BICC1: variants seen among roughly 807,000 people sequenced by gnomAD.
The protein encoded by BICC1 is protein bicaudal C homolog 1.
Under a neutral mutation model 111.0 loss-of-function variants are expected in BICC1, and 43 were observed. The ratio of observed to expected loss-of-function variants is 0.39; its 90% CI spans 0.30 to 0.50. The LOEUF (loss-of-function observed/expected upper bound fraction) is 0.50, where lower values mean the gene tolerates loss of function less well. BICC1 is among the 20% of genes least tolerant of loss of function. The pLI, the probability that BICC1 is intolerant of heterozygous loss-of-function variation, is 0.88. For missense variants in BICC1, 1,091 were observed against 1,203.2 expected (o/e 0.91, Z 1.38); for synonymous variants, 467 against 434.4 (o/e 1.07, Z -0.93).
chr10:58,808,717 A>AT (rs34786742), intron 17 of BICC1, among the ~76,000 whole-genome samples: 5,409 of 144,888 alleles, frequency 0.037, 269 homozygotes, highest in African/African-American at 0.12. Context: ...TTTAAAAAAA[A>AT]TTTTTTTTTT....
At chr10:58,828,720 C>A (rs1400061324) in intron 20 of BICC1, 41 bp from the exon 21 acceptor site, 1 of 1,602,242 alleles carries the variant, frequency 6.2e-7, no homozygotes, top group Admixed American at 1.7e-5. Context: ...ATACATAGAA[C>A]TTCTCTTGAG....
At chr10:58,708,323 T>G in intron 3 of BICC1, among the ~76,000 whole-genome samples, 1 of 152,146 alleles carries the variant, frequency 6.6e-6, no homozygotes, top group East Asian at 1.9e-4. Flanking sequence ...TTTACATATT[T>G]ATAGAGTACA....
chr10:58,730,371 G>T (rs778025093), intron 3 of BICC1, among the ~76,000 whole-genome samples: 3 of 152,162 alleles, frequency 2.0e-5, no homozygotes, highest in Non-Finnish European at 4.4e-5. Flanking sequence ...GCCTTGTGGG[G>T]TTTAGCCCCT....
chr10:58,533,481 T>A (rs1842734194), intron 1 of BICC1, among the ~76,000 whole-genome samples: 1 of 151,864 alleles, frequency 6.6e-6, no homozygotes, highest in Non-Finnish European at 1.5e-5. Flanking sequence ...TTCATATTTT[T>A]AATTTTTATC....
rs189052946 is a variant in BICC1 at position 58,718,020 on chromosome 10, C to A, written c.307+15877C>A. 6.6e-5 allele frequency among the ~76,000 whole-genome samples: 10 copies of A among 152,326 alleles called. No individual in the cohort carries two copies. In the East Asian group the frequency reaches 1.9e-3, roughly 29 times the overall value. Reference sequence around the variant, plus strand: ...ATAGAAAAGTTGAGCATTGTTTAATCTGTTTGTGGAACACTTATTTATATC... The same window carrying A: ...ATAGAAAAGTTGAGCATTGTTTAATATGTTTGTGGAACACTTATTTATATC... On this transcript the variant is annotated intron_variant, in intron 3 of 20. Coordinates refer to ENST00000373886, the MANE Select transcript of BICC1 (RefSeq NM_001080512.3).
At position 58,821,501 on chromosome 10, in the gene BICC1, A is replaced by G. The variant is rs1354049867; in HGVS notation, c.2794+1033A>G. On this transcript the variant is annotated intron_variant, in intron 20 of 20. Coordinates refer to ENST00000373886, the MANE Select transcript of BICC1 (RefSeq NM_001080512.3). ...TAGCGGCATGTTGAATGCCCCACCC[A>G]TCTTCCCATAGGAAATCTTTATCTG... 2.0e-5 allele frequency among the ~76,000 whole-genome samples: 3 copies of G among 152,162 alleles called. No homozygotes were observed. The East Asian group carries it at 5.8e-4, about 29-fold the overall frequency.
At chr10:58,610,998 T>C (rs1051235925) in intron 1 of BICC1, among the ~76,000 whole-genome samples, 7 of 152,232 alleles carry the variant, frequency 4.6e-5, no homozygotes, top group Non-Finnish European at 7.3e-5. Flanking sequence ...ATACCTGGCA[T>C]GATGTTATTG....
chr10:58,567,747 TTATAA>T (rs1031550648), intron 1 of BICC1, among the ~76,000 whole-genome samples: 3 of 152,042 alleles, frequency 2.0e-5, no homozygotes, highest in African/African-American at 4.8e-5. Flanking sequence ...AATAGATTAC[TTATAA>T]TATAGCATTT....
At chr10:58,621,864 C>T (rs1401259861) in intron 2 of BICC1, among the ~76,000 whole-genome samples, 1 of 149,880 alleles carries the variant, frequency 6.7e-6, no homozygotes, top group Non-Finnish European at 1.5e-5. Flanking sequence ...TGCCACTGCA[C>T]TCCAGCCTGG....
intron 3 of BICC1, among the ~76,000 whole-genome samples, chr10:58,775,118 A>G (rs1204021752): frequency 6.6e-6 from 1 of 152,162 alleles, no homozygotes. Context: ...CATGCCTGTA[A>G]TCCGAGCACT....
chr10:58,580,026 A>C (rs1477570918), intron 1 of BICC1, among the ~76,000 whole-genome samples: 1 of 80,806 alleles, frequency 1.2e-5, no homozygotes, highest in Admixed American at 1.7e-4. Context: ...TCCTCTTAGC[A>C]ATTTTTTTTT....
intron 1 of BICC1, among the ~76,000 whole-genome samples, chr10:58,574,897 A>G (rs968659200): frequency 4.6e-5 from 7 of 152,050 alleles, no homozygotes; most frequent in African/African-American, 1.2e-4. Context: ...TCTGCATTCA[A>G]TCTGTCCCTC....
intron 2 of BICC1, among the ~76,000 whole-genome samples, chr10:58,688,367 G>A (rs569749034): frequency 1.2e-4 from 18 of 152,138 alleles, no homozygotes; most frequent in African/African-American, 3.9e-4. Context: ...TGATTGGTGC[G>A]TTTTTACAGA....
intron 3 of BICC1, among the ~76,000 whole-genome samples, chr10:58,774,561 G>C (rs1314896230): frequency 2.0e-5 from 3 of 152,160 alleles, no homozygotes; most frequent in Non-Finnish European, 4.4e-5. Flanking sequence ...AAATAAAATA[G>C]AAATTACCTG....
At chr10:58,697,300 C>T (rs1000341336) in intron 2 of BICC1, among the ~76,000 whole-genome samples, 2 of 152,168 alleles carry the variant, frequency 1.3e-5, no homozygotes, top group African/African-American at 4.8e-5. Context: ...GAAAAAGTGT[C>T]AGTGTCTCTG....
chr10:58,600,607 C>G (rs1386305130), intron 1 of BICC1, among the ~76,000 whole-genome samples: 2 of 152,046 alleles, frequency 1.3e-5, no homozygotes, highest in East Asian at 3.9e-4. Flanking sequence ...ATAGTTGACT[C>G]TTGAATACTA....
intron 1 of BICC1, among the ~76,000 whole-genome samples, chr10:58,553,036 T>C (rs1843340402): frequency 6.6e-6 from 1 of 152,200 alleles, no homozygotes; most frequent in Non-Finnish European, 1.5e-5. Context: ...TGTAGTTTTG[T>C]TCTTTTGTCT....
At chr10:58,547,618 C>T (rs1201442986) in intron 1 of BICC1, among the ~76,000 whole-genome samples, 4 of 152,052 alleles carry the variant, frequency 2.6e-5, no homozygotes, top group South Asian at 2.1e-4. Context: ...ATCAACTATT[C>T]GGAATTCTTC....
Position 58,817,570 on chromosome 10 carries a change from T to C in BICC1, c.2542T>C (p.Tyr848His), listed in dbSNP as rs1844132715. 6.2e-7 allele frequency: 1 copy of C among 1,613,364 alleles called. No homozygotes were observed. The highest frequency in any genetic ancestry group is 8.5e-7 in the Non-Finnish European group (1 of 1,179,558). ...TCTCCTTTGCCTTTCAGCGGAACACTATCTCAGCAGTAGCAATTACATGGA... is the reference window on the plus strand; with the variant it reads ...TCTCCTTTGCCTTTCAGCGGAACACCATCTCAGCAGTAGCAATTACATGGA... ...KRKQNKSTEH[Y>H]LSSSNYMDCI... Residue 848 changes from tyrosine (Y) to histidine (H), a missense_variant, in exon 19 of 21, where the codon TAT (tyrosine) becomes CAT (histidine). Physicochemically the swap from Tyr to His is moderately conservative, Grantham distance 83. Around this residue, in one of 3 missense-constraint regions of BICC1, gnomAD observed 231 missense variants for 256.2 expected, o/e 0.90. Transcript: ENST00000373886.
Sources: allele counts gnomAD v4.1 joint callset (sites outside exome capture counted in the v4.1 genomes callset), GRCh38; gene constraint gnomAD v4.1.1; regional missense constraint gnomAD v4.1.1; transcripts MANE v1.5; gene names NCBI Gene and HGNC (gene_info 2026-07-23, HGNC 2026-07-21).